Variants in TRAT1 observed in about 807,000 individuals in gnomAD.
The protein encoded by TRAT1 is T cell receptor associated transmembrane adaptor 1, also known as T-cell receptor-associated transmembrane adapter 1.
TRAT1 carries 20 observed loss-of-function variants against 20.0 expected under a neutral mutation model. That is an observed-to-expected ratio of 1.00 (90% CI 0.70 to 1.45). The LOEUF is 1.45. Among genes scored for constraint, TRAT1 ranks in the 40% most tolerant of loss-of-function variants. The probability of loss-of-function intolerance (pLI) is 0.00; values close to 1 mark genes in which losing one functional copy is unlikely to be tolerated. For missense variants in TRAT1, 237 were observed against 224.1 expected (o/e 1.06, Z -0.37); for synonymous variants, 77 against 74.2 (o/e 1.04, Z -0.20).
intron 2 of TRAT1, among the ~76,000 whole-genome samples, chr3:108,836,576 G>A (rs922361815): frequency 1.3e-4 from 20 of 152,024 alleles, no homozygotes; most frequent in Admixed American, 7.9e-4. Context: ...CAACTAACTC[G>A]TTCATTGAAA....
intron 3 of TRAT1, among the ~76,000 whole-genome samples, chr3:108,839,852 A>T (rs531503576): frequency 3.7e-4 from 56 of 151,944 alleles, no homozygotes; most frequent in African/African-American, 1.1e-3. Flanking sequence ...ACATTTTTTT[A>T]AAAAAAATAT....
At chr3:108,852,636 G>T (rs1179364229) in intron 5 of TRAT1, among the ~76,000 whole-genome samples, 1 of 152,082 alleles carries the variant, frequency 6.6e-6, no homozygotes, top group Admixed American at 6.5e-5. Flanking sequence ...TCTTTGGTTT[G>T]TTCAATGGCT....
intron 2 of TRAT1, among the ~76,000 whole-genome samples, chr3:108,838,379 TAG>T (rs1945859735): frequency 6.6e-6 from 1 of 151,514 alleles, no homozygotes; most frequent in African/African-American, 2.4e-5. Context: ...GATAGATAGA[TAG>T]ATAGATAGAT....
At chr3:108,831,289 A>G (rs1945790230) in intron 2 of TRAT1, among the ~76,000 whole-genome samples, 1 of 152,226 alleles carries the variant, frequency 6.6e-6, no homozygotes, top group Non-Finnish European at 1.5e-5. Flanking sequence ...AGAGTCTAGG[A>G]GAGGTCAAGA....
intron 3 of TRAT1, among the ~76,000 whole-genome samples, chr3:108,843,831 A>G (rs1159844352): frequency 6.6e-6 from 1 of 152,132 alleles, no homozygotes; most frequent in Non-Finnish European, 1.5e-5. Flanking sequence ...TACTTGAAAC[A>G]CTTGATTCTC....
chr3:108,836,670 CTT>C lies in TRAT1; in HGVS notation c.119-2262_119-2261del, dbSNP rs377448650. Among the ~76,000 whole-genome samples, 78 of 152,218 alleles carry C rather than the reference CTT, an allele frequency of 5.1e-4. 2 individuals carry two copies. In the South Asian group the frequency reaches 0.014, roughly 27 times the overall value. ...ATGTATGTATAATATTAATAACAAA[CTT>C]TGTCATTAAAAAATGTTTTTACAGA... On this transcript the variant is annotated intron_variant, in intron 2 of 5. Transcript: ENST00000295756.
In TRAT1 at chr3:108,841,271, T is replaced by C. The variant is rs373693277; in HGVS notation, c.152+2304T>C. Among the ~76,000 whole-genome samples the C allele has an allele frequency of 5.6e-4, 85 of 152,354 alleles. 2 individuals carry two copies. The South Asian group carries it at 0.017, about 31-fold the overall frequency. ...TAACAAATCTCCAGTTAGGCAAAAT[T>C]TGAATATACAATGCAGATTTTTTTC... is the stretch of plus-strand genomic sequence containing the variant. On this transcript the variant is annotated intron_variant, in intron 3 of 5. Transcript: ENST00000295756.
chr3:108,832,897 G>T (rs1945807306), intron 2 of TRAT1, among the ~76,000 whole-genome samples: 1 of 152,120 alleles, frequency 6.6e-6, no homozygotes, highest in Admixed American at 6.5e-5. Flanking sequence ...ATCAAGATCA[G>T]GACTGGTATA....
At chr3:108,845,851 A>T (rs1945937703) in intron 3 of TRAT1, among the ~76,000 whole-genome samples, 1 of 152,218 alleles carries the variant, frequency 6.6e-6, no homozygotes, top group Non-Finnish European at 1.5e-5. Flanking sequence ...AAATCTGGTC[A>T]CTAGGGCCAT....
intron 3 of TRAT1, among the ~76,000 whole-genome samples, chr3:108,841,649 G>T (rs1483870179): frequency 1.3e-5 from 2 of 152,062 alleles, no homozygotes; most frequent in African/African-American, 4.8e-5. Flanking sequence ...GAAGGGAAAG[G>T]AATTGCTTCT....
intron 1 of TRAT1, among the ~76,000 whole-genome samples, chr3:108,825,812 T>C (rs1377683437): frequency 6.6e-6 from 1 of 152,160 alleles, no homozygotes; most frequent in Non-Finnish European, 1.5e-5. Context: ...CTTGAAATAT[T>C]AAAAGAAACA....
At chr3:108,829,804 G>A (rs1472584985) in intron 1 of TRAT1, among the ~76,000 whole-genome samples, 1 of 152,126 alleles carries the variant, frequency 6.6e-6, no homozygotes, top group Non-Finnish European at 1.5e-5. Context: ...GAAAAGTAGA[G>A]CAATACAATT....
In TRAT1 at chr3:108,849,223, A is replaced by G. The variant is rs150236129; in HGVS notation, c.272A>G (p.Asn91Ser). 3.8e-5 allele frequency: 62 copies of G among 1,614,152 alleles called. 1 individual carries two copies. The African/African-American group carries it at 7.2e-4, about 19-fold the overall frequency. Residue 91 changes from asparagine (N) to serine (S), a missense_variant, in exon 5 of 6, where the codon AAT becomes AGT. By Grantham distance (46) the Asn-to-Ser change is conservative (BLOSUM62 1). Transcript: ENST00000295756. The stretch of plus-strand genomic sequence containing the variant: ...AAAGCCCGACCAGAGAAATCTGTAA[A>G]TAAGATGCAGGAAGCCACCCCATCT... ...QMKARPEKSVNKMQEATPSAQ... is the reference protein window; with the variant it reads ...QMKARPEKSVSKMQEATPSAQ...
intron 1 of TRAT1, among the ~76,000 whole-genome samples, chr3:108,824,534 T>G (rs1391250376): frequency 3.3e-5 from 5 of 152,326 alleles, no homozygotes; most frequent in African/African-American, 1.2e-4. Context: ...TGATGACCTC[T>G]TTTGCTTAAT....
At position 108,854,751 on chromosome 3, in the gene TRAT1, A is replaced by T. The variant is rs936681545; in HGVS notation, c.*874A>T. On this transcript the variant is annotated 3_prime_UTR_variant, in exon 6 of 6. Transcript: ENST00000295756. ...AATGTCTGCTTAGCACCCCACTGAT[A>T]ACCAAATCACAGTTTATTTAAATAA... The T allele has an allele frequency of 6.6e-6, 1 of 152,156 alleles. No individual in the cohort carries two copies. Among genetic ancestry groups the T allele is most frequent in the South Asian group, 2.1e-4 (1 of 4,834 alleles). 9.4% of individuals were successfully genotyped at this position (152,156 alleles called of 1,614,324 possible). A position where few individuals can be genotyped will look rare whatever the true frequency, so the allele number is the denominator to read the frequency against.
chr3:108,829,514 G>C (rs1057440314), intron 1 of TRAT1, among the ~76,000 whole-genome samples: 1 of 151,774 alleles, frequency 6.6e-6, no homozygotes, highest in East Asian at 1.9e-4. Flanking sequence ...AACCTGGGAG[G>C]TGGAGGTTGT....
At position 108,854,314 on chromosome 3, in the gene TRAT1, G is replaced by A. The variant is rs1946026016; in HGVS notation, c.*437G>A. 1 of 154,270 alleles carries A rather than the reference G, an allele frequency of 6.5e-6. No homozygotes were observed. Among genetic ancestry groups the A allele is most frequent in the South Asian group, 2.0e-4 (1 of 4,942 alleles). 9.6% of individuals were successfully genotyped at this position (154,270 alleles called of 1,614,324 possible). ...TTTAATTCTCCTTTCTCACCAATGGGCAATAGCCCATAATTGAAATAAATT... is the reference window on the plus strand; with the variant it reads ...TTTAATTCTCCTTTCTCACCAATGGACAATAGCCCATAATTGAAATAAATT... On this transcript the variant is annotated 3_prime_UTR_variant, in exon 6 of 6. Coordinates refer to ENST00000295756, the MANE Select transcript of TRAT1 (RefSeq NM_016388.4).
chr3:108,844,843 C>CAAAAAAAAAAAAAAAAAAAAAA (rs71103495), intron 3 of TRAT1, among the ~76,000 whole-genome samples: 3 of 47,832 alleles, frequency 6.3e-5, no homozygotes, highest in African/African-American at 1.7e-4. Flanking sequence ...GACTCTGTCT[C>CAAAAAAAAAAAAAAAAAAAAAA]AAAAAAAAAA....
At chr3:108,833,061 C>G (rs1046285627) in intron 2 of TRAT1, among the ~76,000 whole-genome samples, 1 of 152,154 alleles carries the variant, frequency 6.6e-6, no homozygotes, top group Non-Finnish European at 1.5e-5. Flanking sequence ...CATGCAAACT[C>G]CTTTGTGTAG....
Sources: allele counts gnomAD v4.1 joint callset (sites outside exome capture counted in the v4.1 genomes callset), GRCh38; gene constraint gnomAD v4.1.1; transcripts MANE v1.5; gene names NCBI Gene and HGNC (gene_info 2026-07-23, HGNC 2026-07-21).